Variants in IDI1 observed in about 807,000 individuals in gnomAD.
The protein encoded by IDI1 is isopentenyl-diphosphate Delta-isomerase 1.
In IDI1, 23 loss-of-function variants were observed where a neutral mutation model predicts 32.9. The observed-to-expected ratio is 0.70, with a 90% CI of 0.50 to 0.99. IDI1 has a LOEUF of 0.99. Among genes scored for constraint, IDI1 ranks in the 50% least tolerant of loss-of-function variants. IDI1 has a pLI of 0.00. For synonymous variants in IDI1, 133 were observed against 128.2 expected (o/e 1.04, Z -0.25); for missense variants, 326 against 351.9 (o/e 0.93, Z 0.59).
In IDI1 at chr10:1,049,046, T is replaced by C; in HGVS notation, c.-43A>G. On this transcript the variant is annotated 5_prime_UTR_variant, in exon 1 of 5. Transcript: ENST00000381344. Reference sequence around the variant, plus strand: ...CCCGTACGCGCTTGACGACACAATCTCGCCAAGCTTCGCCTGGTGGTGCCA... The same window carrying C: ...CCCGTACGCGCTTGACGACACAATCCCGCCAAGCTTCGCCTGGTGGTGCCA... 6.9e-7 allele frequency: 1 copy of C among 1,448,010 alleles called. No individual in the cohort carries two copies. Among genetic ancestry groups the C allele is most frequent in the Non-Finnish European group, 9.0e-7 (1 of 1,108,964 alleles). 89.7% of individuals were successfully genotyped at this position (1,448,010 alleles called of 1,614,324 possible).
chr10:1,049,292 A>T (rs1190461203), upstream of IDI1: 1 of 443,886 alleles, frequency 2.3e-6, no homozygotes, highest in African/African-American at 2.1e-5. Context: ...GCCTAACGTC[A>T]GACGTCTCGA....
upstream of IDI1, among the ~76,000 whole-genome samples, chr10:1,052,313 CACTT>C (rs1416937417): frequency 6.6e-6 from 1 of 152,224 alleles, no homozygotes; most frequent in Non-Finnish European, 1.5e-5. Context: ...CTCAAGAGAC[CACTT>C]TCTTTGTTCA....
chr10:1,048,631 G>A, intron 1 of IDI1: 1 of 1,407,872 alleles, frequency 7.1e-7, no homozygotes, highest in East Asian at 2.7e-5. Context: ...CAACGTCTCT[G>A]ACGCCCCGAC....
chr10:1,050,899 T>C (rs1207339607), upstream of IDI1, among the ~76,000 whole-genome samples: 2 of 152,368 alleles, frequency 1.3e-5, no homozygotes, highest in South Asian at 2.1e-4. Flanking sequence ...AATGAGCACC[T>C]GCTGTATGCA....
At chr10:1,044,304 C>T (rs190980650) in intron 1 of IDI1, 133 bp from the exon 2 acceptor site, 5 of 631,192 alleles carry the variant, frequency 7.9e-6, no homozygotes, top group East Asian at 2.8e-5. Context: ...ACCCCAAGAA[C>T]GCTGCCAGCC....
Position 1,042,678 on chromosome 10 carries a change from G to A in IDI1, c.491C>T (p.Ala164Val). 1.2e-6 allele frequency: 2 copies of A among 1,613,946 alleles called. No individual in the cohort carries two copies. The highest frequency in any genetic ancestry group is 8.5e-7 in the Non-Finnish European group (1 of 1,179,862). ...CTCAGCTTTCAGCCGTCTCTGTGCT[G>A]CTCGCCTCACTCCAAGGGCGTCACT... ...EESDALGVRR[A>V]AQRRLKAELG... is the part of the protein sequence containing the mutation. The change falls in exon 4 of 5, where the codon GCA (alanine) becomes GTA (valine). Residue 164 changes from alanine (A) to valine (V), a missense_variant. Ala to Val is a moderately conservative substitution (Grantham distance 64). This residue lies in a region of IDI1 where 205 missense variants were observed against 273.5 expected (regional missense o/e 0.75). Transcript: ENST00000381344.
intron 2 of IDI1, 38 bp from the exon 3 acceptor site, chr10:1,043,431 G>T: frequency 7.6e-7 from 1 of 1,323,258 alleles, no homozygotes; most frequent in Non-Finnish European, 1.1e-6. Context: ...TTAGCCTTAA[G>T]TACCAGTTAT....
At chr10:1,045,862 T>C (rs918303556) in intron 1 of IDI1, among the ~76,000 whole-genome samples, 4 of 120,820 alleles carry the variant, frequency 3.3e-5, no homozygotes, top group African/African-American at 1.3e-4. Context: ...CCACATAGGG[T>C]CTGGGTGTGT....
chr10:1,048,602 T>C (rs1333206735), intron 1 of IDI1: 4 of 1,389,124 alleles, frequency 2.9e-6, no homozygotes, highest in Non-Finnish European at 3.7e-6. Context: ...CGACGATCTT[T>C]TCCGCTGACA....
chr10:1,049,066 G>A lies in IDI1; in HGVS notation c.-63C>T. 1 of 1,442,902 alleles carries A rather than the reference G, an allele frequency of 6.9e-7. No individual in the cohort carries two copies. 89.4% of individuals were successfully genotyped at this position (1,442,902 alleles called of 1,614,324 possible). A position where few individuals can be genotyped will look rare whatever the true frequency, so the allele number is the denominator to read the frequency against. On this transcript the variant is annotated 5_prime_UTR_variant, in exon 1 of 5. Coordinates refer to ENST00000381344, the MANE Select transcript of IDI1 (RefSeq NM_004508.4). Reference sequence around the variant, plus strand: ...CAATCTCGCCAAGCTTCGCCTGGTGGTGCCACCTCCCTGGCCTGTGACAAC... The same window carrying A: ...CAATCTCGCCAAGCTTCGCCTGGTGATGCCACCTCCCTGGCCTGTGACAAC...
At chr10:1,048,141 G>T in intron 1 of IDI1, 2 of 887,604 alleles carry the variant, frequency 2.3e-6, no homozygotes, top group Non-Finnish European at 3.2e-6. Flanking sequence ...GATTAAAGGC[G>T]TGCACCACCG....
At chr10:1,052,664 G>C (rs1833044327), upstream of IDI1, among the ~76,000 whole-genome samples, 1 of 152,206 alleles carries the variant, frequency 6.6e-6, no homozygotes, top group African/African-American at 2.4e-5. Flanking sequence ...CACTGTGTAA[G>C]TAGATGTGCT....
chr10:1,040,071 C>G lies in IDI1; in HGVS notation c.*1116G>C, dbSNP rs1368999753. The G allele has an allele frequency of 5.3e-5, 8 of 152,146 alleles. No individual in the cohort carries two copies. In the East Asian group the frequency reaches 1.5e-3, roughly 29 times the overall value. The allele number at this position is 152,146 out of a possible 1,614,324, so 9.4% of individuals were successfully genotyped here. A position where few individuals can be genotyped will look rare whatever the true frequency, so the allele number is the denominator to read the frequency against. On this transcript the variant is annotated 3_prime_UTR_variant, in exon 5 of 5. Transcript: ENST00000381344. The stretch of plus-strand genomic sequence containing the variant: ...TTTATTTTTCTTCATTATCATACAG[C>G]ATTTAAGAATAATAAATCTGTCTTG...
chr10:1,043,908 G>T lies in IDI1; in HGVS notation c.313+91C>A. 9 of 1,053,392 alleles carry T rather than the reference G, an allele frequency of 8.5e-6. No individual in the cohort carries two copies. In the South Asian group the frequency reaches 1.2e-4, roughly 14 times the overall value. 65.3% of individuals were successfully genotyped at this position (1,053,392 alleles called of 1,614,324 possible). On this transcript the variant is annotated intron_variant, in intron 2 of 4. Coordinates refer to ENST00000381344, the MANE Select transcript of IDI1 (RefSeq NM_004508.4). ...AACGAGAAAATACGGTATTACTGAAGACTGCACTTCCTTGAACAGAGTGCT... is the reference window on the plus strand; with the variant it reads ...AACGAGAAAATACGGTATTACTGAATACTGCACTTCCTTGAACAGAGTGCT...
At chr10:1,042,585 G>C (rs753737350) in intron 4 of IDI1, 47 bp downstream of exon 4, 13 of 1,595,600 alleles carry the variant, frequency 8.1e-6, no homozygotes, top group Non-Finnish European at 1.1e-5. Flanking sequence ...CCTTTTTATA[G>C]TATGTTTAGG....
chr10:1,053,953 A>C (rs558573605), upstream of IDI1, among the ~76,000 whole-genome samples: 50 of 152,234 alleles, frequency 3.3e-4, no homozygotes, highest in Non-Finnish European at 1.5e-5. Context: ...AGAAGGAGAG[A>C]GATAGGGAGG....
At position 1,043,297 on chromosome 10, in the gene IDI1, T is replaced by A; in HGVS notation, c.406+4A>T. The stretch of plus-strand genomic sequence containing the variant: ...ACAATATTGTACATTAAAAGTGTAC[T>A]AACCTGGAAAGGTAATCTTAGCATC... On this transcript the variant is annotated splice_donor_region_variant and intron_variant, in intron 3 of 4. Coordinates refer to ENST00000381344, the MANE Select transcript of IDI1 (RefSeq NM_004508.4). 6.5e-7 allele frequency: 1 copy of A among 1,549,274 alleles called. No individual in the cohort carries two copies. The highest frequency in any genetic ancestry group is 8.9e-7 in the Non-Finnish European group (1 of 1,122,146).
intron 1 of IDI1, among the ~76,000 whole-genome samples, chr10:1,046,000 A>C (rs1000127747): frequency 6.6e-6 from 1 of 152,206 alleles, no homozygotes; most frequent in African/African-American, 2.4e-5. Flanking sequence ...AAATAATGTG[A>C]AAAGGAAGTC....
the IDI1 span, among the ~76,000 whole-genome samples, chr10:1,055,227 A>G: frequency 3.3e-5 from 5 of 152,250 alleles, no homozygotes; most frequent in Non-Finnish European, 7.3e-5. Context: ...TCATGCTTAA[A>G]ATTCAATTTA....
Sources: allele counts gnomAD v4.1 joint callset (sites outside exome capture counted in the v4.1 genomes callset), GRCh38; gene constraint gnomAD v4.1.1; regional missense constraint gnomAD v4.1.1; transcripts MANE v1.5; gene names NCBI Gene and HGNC (gene_info 2026-07-23, HGNC 2026-07-21).